MCTP1: variants seen among roughly 807,000 people sequenced by gnomAD.
MCTP1 encodes the protein multiple C2 and transmembrane domain-containing protein 1.
A neutral mutation model predicts 120.6 loss-of-function variants in MCTP1; 69 were observed. That is an observed-to-expected ratio of 0.57 (90% CI 0.47 to 0.70). MCTP1 has a LOEUF of 0.70. MCTP1 is among the 30% of genes least tolerant of loss of function. The pLI is 0.00. For synonymous variants in MCTP1, 529 were observed against 493.1 expected, an observed-to-expected ratio of 1.07 and a Z score of -0.96; for missense variants, 1,203 against 1,248.8, an observed-to-expected ratio of 0.96 and a Z score of 0.55.
intron 19 of MCTP1, among the ~76,000 whole-genome samples, chr5:94,761,529 T>A (rs1403583491): frequency 6.6e-6 from 1 of 152,182 alleles, no homozygotes; most frequent in Non-Finnish European, 1.5e-5. Flanking sequence ...GCACCTTGTT[T>A]GTATAAATTT....
At chr5:95,229,407 C>A (rs558321012) in intron 1 of MCTP1, among the ~76,000 whole-genome samples, 1 of 152,250 alleles carries the variant, frequency 6.6e-6, no homozygotes, top group East Asian at 1.9e-4. Context: ...CTCTAAGATA[C>A]CCCAAAGCAT....
intron 1 of MCTP1, among the ~76,000 whole-genome samples, chr5:95,208,730 A>G (rs960203880): frequency 1.9e-5 from 2 of 103,172 alleles, no homozygotes; most frequent in Non-Finnish European, 4.9e-5. Flanking sequence ...CCCTTTCAGA[A>G]AAAAAAAAAA....
At chr5:95,164,278 C>G (rs1746073959) in intron 1 of MCTP1, among the ~76,000 whole-genome samples, 1 of 150,500 alleles carries the variant, frequency 6.6e-6, no homozygotes, top group African/African-American at 2.4e-5. Flanking sequence ...TTCTGTAAAT[C>G]ACTTTCCTTT....
chr5:94,798,470 C>G (rs1372199890), intron 18 of MCTP1, among the ~76,000 whole-genome samples: 1 of 152,116 alleles, frequency 6.6e-6, no homozygotes, highest in African/African-American at 2.4e-5. Flanking sequence ...AGCTCCTCAT[C>G]CTTAAGCTGA....
intron 1 of MCTP1, among the ~76,000 whole-genome samples, chr5:95,217,809 T>C (rs1562248242): frequency 2.0e-5 from 3 of 152,282 alleles, no homozygotes; most frequent in Non-Finnish European, 2.9e-5. Context: ...GTTAAGACAA[T>C]TGAGGCAGCC....
chr5:95,172,888 C>G (rs575950367), intron 1 of MCTP1, among the ~76,000 whole-genome samples: 17 of 152,156 alleles, frequency 1.1e-4, no homozygotes, highest in African/African-American at 4.1e-4. Context: ...CAATAAACAC[C>G]CTAGAGCTTA....
intron 1 of MCTP1, among the ~76,000 whole-genome samples, chr5:95,186,073 G>C (rs1749173100): frequency 6.6e-6 from 1 of 152,042 alleles, no homozygotes; most frequent in South Asian, 2.1e-4. Context: ...CTCCAGCCTG[G>C]GTGATGGAGC....
At chr5:94,932,105 C>T (rs534722601) in intron 5 of MCTP1, 114 bp from the exon 6 acceptor site, 26 of 664,206 alleles carry the variant, frequency 3.9e-5, no homozygotes, top group African/African-American at 3.3e-4. Context: ...ACAGTTCCTG[C>T]AGCAATTATA....
rs73133924 is a variant in MCTP1 at position 94,783,916 on chromosome 5, C to T, written c.2557-4753G>A. Among the ~76,000 whole-genome samples the T allele has an allele frequency of 3.1e-3, 474 of 152,138 alleles. 3 individuals carry two copies. Among genetic ancestry groups the T allele is most frequent in the African/African-American group, 0.01 (428 of 41,544 alleles). ...AGTGCTGATACAAACCAGTTTCTTT[C>T]GTGTGTTTACTTCTTTTCCTTGGAA... On this transcript the variant is annotated intron_variant, in intron 18 of 22. Coordinates refer to ENST00000515393, the MANE Select transcript of MCTP1 (RefSeq NM_024717.7).
intron 17 of MCTP1, among the ~76,000 whole-genome samples, chr5:94,812,896 TTCTCTCTCTC>T (rs70978132): frequency 1.4e-5 from 2 of 147,214 alleles, no homozygotes; most frequent in African/African-American, 2.5e-5. Context: ...ACCAAAAGCA[TTCTCTCTCTC>T]TCTCTCTCTC....
At chr5:95,253,191 A>G (rs910511217) in intron 1 of MCTP1, among the ~76,000 whole-genome samples, 6 of 152,154 alleles carry the variant, frequency 3.9e-5, no homozygotes, top group Non-Finnish European at 8.8e-5. Flanking sequence ...TGGAGGTGAG[A>G]ACACATAAGG....
chr5:94,750,877 C>G (rs181852937), intron 19 of MCTP1, among the ~76,000 whole-genome samples: 1 of 152,096 alleles, frequency 6.6e-6, no homozygotes, highest in Non-Finnish European at 1.5e-5. Context: ...TGAAGGCCAT[C>G]GATGCTGCCA....
At chr5:95,062,725 G>A (rs775997899) in intron 1 of MCTP1, among the ~76,000 whole-genome samples, 25 of 152,178 alleles carry the variant, frequency 1.6e-4, no homozygotes, top group Non-Finnish European at 3.4e-4. Flanking sequence ...ATTCCAAGGT[G>A]TACTGCAAAT....
chr5:94,767,309 C>G (rs189951469), intron 19 of MCTP1, among the ~76,000 whole-genome samples: 1 of 152,238 alleles, frequency 6.6e-6, no homozygotes, highest in East Asian at 1.9e-4. Flanking sequence ...ACAGCTACTA[C>G]ATGGAATGGG....
chr5:94,889,781 C>CACAT (rs934646908), intron 11 of MCTP1, among the ~76,000 whole-genome samples: 6 of 151,708 alleles, frequency 4.0e-5, no homozygotes, highest in African/African-American at 1.5e-4. Flanking sequence ...CACACACACA[C>CACAT]ACCCCTCTAT....
intron 1 of MCTP1, among the ~76,000 whole-genome samples, chr5:95,191,084 T>C (rs1749777825): frequency 6.6e-6 from 1 of 152,020 alleles, no homozygotes; most frequent in African/African-American, 2.4e-5. Context: ...GCACATAATA[T>C]ATAAAAACAA....
chr5:95,264,240 G>A (rs1758703245), intron 1 of MCTP1, among the ~76,000 whole-genome samples: 1 of 152,146 alleles, frequency 6.6e-6, no homozygotes, highest in African/African-American at 2.4e-5. Flanking sequence ...CTTCATCAAT[G>A]TGATAGCCTT....
At chr5:94,752,071 C>T (rs1023614782) in intron 19 of MCTP1, among the ~76,000 whole-genome samples, 36 of 136,454 alleles carry the variant, frequency 2.6e-4, no homozygotes, top group Non-Finnish European at 3.1e-5. Flanking sequence ...AACTAACCTG[C>T]ACATTGTGCA....
intron 1 of MCTP1, among the ~76,000 whole-genome samples, chr5:95,070,141 T>C (rs1432646390): frequency 1.3e-5 from 2 of 152,232 alleles, no homozygotes; most frequent in African/African-American, 4.8e-5. Flanking sequence ...GTTGTGTTGT[T>C]ATCTAGGTTC....
Sources: gnomAD v4.1 joint callset for allele counts (sites outside exome capture counted in the v4.1 genomes callset) on GRCh38, gnomAD v4.1.1 for gene constraint, MANE v1.5 for transcripts, NCBI Gene and HGNC (gene_info 2026-07-23, HGNC 2026-07-21) for gene names.